The following SNAI3 variants were observed in gnomAD, a reference collection of about 807,000 sequenced individuals.
SNAI3 encodes the protein zinc finger protein SNAI3.
In SNAI3, 21 loss-of-function variants were observed where a neutral mutation model predicts 16.4. That is an observed-to-expected ratio of 1.28 (90% CI 0.91 to 1.85). SNAI3 has a LOEUF of 1.85. Ranked by LOEUF, SNAI3 falls within the 40% of genes most tolerant of loss-of-function variation. The probability of loss-of-function intolerance (pLI) is 0.00; values close to 1 mark genes in which losing one functional copy is unlikely to be tolerated. For synonymous variants in SNAI3, 202 were observed against 166.6 expected (o/e 1.21, Z -1.64); for missense variants, 457 against 372.8 (o/e 1.23, Z -1.86).
Position 88,681,066 on chromosome 16 carries a change from G to A in SNAI3, c.697+28C>T, listed in dbSNP as rs367720787. On this transcript the variant is annotated intron_variant, in intron 2 of 2. Coordinates refer to ENST00000332281, the MANE Select transcript of SNAI3 (RefSeq NM_178310.4). The surrounding 1 kb of genome is among the most constrained non-coding windows in gnomAD (Gnocchi z 5.4). The stretch of plus-strand genomic sequence containing the variant: ...CCACCCTCTTCCCCCAGCCCAGACC[G>A]TCCTTGCAGACCTTCACCCTGTCCT... The A allele has an allele frequency of 2.7e-5, 43 of 1,588,626 alleles. No homozygotes were observed. In the African/African-American group the frequency reaches 3.9e-4, roughly 14 times the overall value.
intron 1 of SNAI3, among the ~76,000 whole-genome samples, chr16:88,683,553 CTTTTT>C (rs35529850): frequency 8.9e-6 from 1 of 112,388 alleles, no homozygotes; most frequent in South Asian, 3.2e-4. Context: ...TGCGCCTGGC[CTTTTT>C]TTTTTTTTTT....
chr16:88,685,384 C>G (rs1365602394), intron 1 of SNAI3: 2 of 152,270 alleles, frequency 1.3e-5, no homozygotes, highest in Admixed American at 1.3e-4. Context: ...GGGTTCTGAG[C>G]TGGGATAAAG....
chr16:88,684,477 C>T (rs1452524618), intron 1 of SNAI3, among the ~76,000 whole-genome samples: 1 of 152,148 alleles, frequency 6.6e-6, no homozygotes, highest in Non-Finnish European at 1.5e-5. Flanking sequence ...CGGTCCAGAT[C>T]CTGGGGAGAA....
At chr16:88,680,348 C>T (rs1424716971) in intron 2 of SNAI3, among the ~76,000 whole-genome samples, 2 of 128,956 alleles carry the variant, frequency 1.6e-5, no homozygotes, top group African/African-American at 6.1e-5. Context: ...GGCAGTGGCG[C>T]AATCTTGGCT....
chr16:88,682,242 T>C (rs1176520955), intron 1 of SNAI3, among the ~76,000 whole-genome samples: 2 of 152,212 alleles, frequency 1.3e-5, no homozygotes, highest in Non-Finnish European at 2.9e-5. Context: ...CCCTCGGGCA[T>C]CTCCTTTTGT....
At position 88,681,092 on chromosome 16, in the gene SNAI3, A is replaced by G; in HGVS notation, c.697+2T>C. 3 of 1,607,140 alleles carry G rather than the reference A, an allele frequency of 1.9e-6. No homozygotes were observed. Among genetic ancestry groups the G allele is most frequent in the Non-Finnish European group, 8.5e-7 (1 of 1,175,292 alleles). On this transcript the variant is annotated splice_donor_variant, in intron 2 of 2. Transcript: ENST00000332281. LOFTEE classifies it high-confidence loss of function. This position sits in a 1 kb window ranked among gnomAD's most constrained non-coding sequence, Gnocchi z 5.4. ...TCCTTGCAGACCTTCACCCTGTCCT[A>G]CCTGTGTGGGTGCGGACATGGCCCT... is the stretch of plus-strand genomic sequence containing the variant.
chr16:88,686,208 T>C (rs1271910492), intron 1 of SNAI3, 123 bp downstream of exon 1: 62 of 1,267,338 alleles, frequency 4.9e-5, no homozygotes, highest in Non-Finnish European at 6.4e-5. Flanking sequence ...GCAGAGGCGC[T>C]GGCTCCTTCT....
chr16:88,683,099 T>C (rs575806958), intron 1 of SNAI3, among the ~76,000 whole-genome samples: 58 of 146,888 alleles, frequency 3.9e-4, no homozygotes, highest in African/African-American at 1.4e-3. Context: ...TTTTTTTTTT[T>C]TTTTGAGACA....
chr16:88,679,775 A>AAAAAAAAAAAAAAAAAG (rs1555545688), intron 2 of SNAI3, among the ~76,000 whole-genome samples: 44 of 106,546 alleles, frequency 4.1e-4, no homozygotes, highest in Non-Finnish European at 5.0e-4. Context: ...AAAAAAAAAA[A>AAAAAAAAAAAAAAAAAG]AAAAAAAGAA....
rs553391259 is a variant in SNAI3, at chr16:88,678,323, T to C, written c.*125A>G. 10 of 600,074 alleles carry C rather than the reference T, an allele frequency of 1.7e-5. No homozygotes were observed. In the East Asian group the frequency reaches 2.5e-4, roughly 15 times the overall value. The allele number at this position is 600,074 out of a possible 1,614,324, so 37.2% of individuals were successfully genotyped here. A position where few individuals can be genotyped will look rare whatever the true frequency, so the allele number is the denominator to read the frequency against. On this transcript the variant is annotated 3_prime_UTR_variant, in exon 3 of 3. Transcript: ENST00000332281. ...CTTTGGTTCTGATTGGACGCAGATG[T>C]GGAGGACGCACCAAGTGTGAGGCCA...
chr16:88,686,080 C>G (rs1235925375), intron 1 of SNAI3: 2 of 524,416 alleles, frequency 3.8e-6, no homozygotes, highest in Admixed American at 3.3e-5. Flanking sequence ...GCTTAGAAAA[C>G]TTAGAAAACT....
intron 1 of SNAI3, among the ~76,000 whole-genome samples, chr16:88,682,705 G>T (rs554362353): frequency 2.3e-4 from 34 of 148,974 alleles, no homozygotes; most frequent in Non-Finnish European, 3.9e-4. Flanking sequence ...ACATATAAAG[G>T]ATGTTAGCAA....
intron 2 of SNAI3, 127 bp from the exon 3 acceptor site, chr16:88,678,756 T>C: frequency 1.4e-6 from 2 of 1,448,942 alleles, no homozygotes; most frequent in Non-Finnish European, 1.8e-6. Context: ...GCACCCAAGG[T>C]TGAGCTGTGT....
At chr16:88,683,418 G>T (rs1399382331) in intron 1 of SNAI3, among the ~76,000 whole-genome samples, 1 of 151,292 alleles carries the variant, frequency 6.6e-6, no homozygotes, top group Non-Finnish European at 1.5e-5. Flanking sequence ...ACCACGCCTG[G>T]CTTATTTTTG....
chr16:88,681,351 C>A lies in SNAI3; in HGVS notation c.440G>T (p.Arg147Leu). The part of the protein sequence containing the change: ...EKLLGAERMP[R>L]APGGFECFHC... The stretch of plus-strand genomic sequence containing the variant: ...GAAGCACTCAAAGCCGCCCGGGGCT[C>A]GGGGCATCCGCTCAGCCCCAAGCAG... Residue 147 changes from arginine to leucine, a missense_variant, in exon 2 of 3, where the codon CGA becomes CTA. Physicochemically the swap from Arg to Leu is moderately radical, Grantham distance 102. Transcript: ENST00000332281. The surrounding 1 kb of genome is among the most constrained non-coding windows in gnomAD (Gnocchi z 5.4). The A allele has an allele frequency of 5.6e-6, 9 of 1,612,800 alleles. No homozygotes were observed. The highest frequency in any genetic ancestry group is 7.6e-6 in the Non-Finnish European group (9 of 1,179,702).
chr16:88,682,125 A>T (rs1909194880), intron 1 of SNAI3, among the ~76,000 whole-genome samples: 1 of 152,154 alleles, frequency 6.6e-6, no homozygotes, highest in African/African-American at 2.4e-5. Context: ...GGCATCCTCC[A>T]GGTGCCCATG....
Position 88,681,030 on chromosome 16 carries a change from A to T in SNAI3, c.697+64T>A. 1 of 1,554,396 alleles carries T rather than the reference A, an allele frequency of 6.4e-7. No homozygotes were observed. The highest frequency in any genetic ancestry group is 1.4e-5 in the African/African-American group (1 of 73,006). ...TAAAATCACCCCTCCTCCTTTTCTA[A>T]CTCCCGCAGCCCACCCTCTTCCCCC... is the stretch of plus-strand genomic sequence containing the variant. On this transcript the variant is annotated intron_variant, in intron 2 of 2. Transcript: ENST00000332281. This position sits in a 1 kb window ranked among gnomAD's most constrained non-coding sequence, Gnocchi z 5.4.
Position 88,686,151 on chromosome 16 carries a change from T to A in SNAI3, c.76+180A>T, listed in dbSNP as rs1365960557. The A allele has an allele frequency of 7.0e-6, 5 of 717,908 alleles. No individual in the cohort carries two copies. In the East Asian group the frequency reaches 1.4e-4, roughly 20 times the overall value. The allele number at this position is 717,908 out of a possible 1,614,324, so 44.5% of individuals were successfully genotyped here. A position where few individuals can be genotyped will look rare whatever the true frequency, so the allele number is the denominator to read the frequency against. ...GGAGGCGGGGCTCAGTGCCCTGAAG[T>A]GGAGGCGCCCGTGGGCCACCTCCCT... On this transcript the variant is annotated intron_variant, in intron 1 of 2. Coordinates refer to ENST00000332281, the MANE Select transcript of SNAI3 (RefSeq NM_178310.4).
chr16:88,683,146 C>T (rs772363885), intron 1 of SNAI3, among the ~76,000 whole-genome samples: 5 of 134,982 alleles, frequency 3.7e-5, no homozygotes, highest in South Asian at 2.5e-4. Flanking sequence ...AGTGCAGTGG[C>T]GTGAAATCGG....
Sources: gnomAD v4.1 joint callset for allele counts (sites outside exome capture counted in the v4.1 genomes callset) on GRCh38, gnomAD v4.1.1 for gene constraint, Gnocchi (gnomAD v3.1) non-coding constraint, MANE v1.5 for transcripts, NCBI Gene and HGNC (gene_info 2026-07-23, HGNC 2026-07-21) for gene names.